The following IQCJ variants were observed in gnomAD, a reference collection of about 807,000 sequenced individuals.
IQCJ encodes IQ motif containing J.
In IQCJ, 9 loss-of-function variants were observed where a neutral mutation model predicts 11.0. The ratio of observed to expected loss-of-function variants is 0.82; its 90% CI spans 0.49 to 1.43. IQCJ has a LOEUF of 1.43. Ranked by LOEUF, IQCJ falls within the 40% of genes most tolerant of loss-of-function variation. The pLI is 0.00. For synonymous variants in IQCJ, 55 were observed against 51.3 expected, an observed-to-expected ratio of 1.07 and a Z score of -0.31; for missense variants, 146 against 133.2, an observed-to-expected ratio of 1.10 and a Z score of -0.47.
At chr3:159,218,035 C>CAAT (rs5853855) in intron 1 of IQCJ, among the ~76,000 whole-genome samples, 5 of 148,550 alleles carry the variant, frequency 3.4e-5, no homozygotes, top group Admixed American at 6.8e-5. Context: ...ATATTATATA[C>CAAT]AATAATAATA....
intron 1 of IQCJ, among the ~76,000 whole-genome samples, chr3:159,239,372 G>A (rs1417167427): frequency 6.6e-6 from 1 of 152,024 alleles, no homozygotes; most frequent in Non-Finnish European, 1.5e-5. Flanking sequence ...TCCCCACCCA[G>A]CAAGCTTTCT....
intron 1 of IQCJ, among the ~76,000 whole-genome samples, chr3:159,134,692 T>G (rs1456998324): frequency 6.6e-6 from 1 of 152,180 alleles, no homozygotes; most frequent in African/African-American, 2.4e-5. Flanking sequence ...CAAACTTATC[T>G]TTCTTGGTAG....
chr3:159,111,257 A>T (rs867016977), intron 1 of IQCJ, among the ~76,000 whole-genome samples: 1 of 152,258 alleles, frequency 6.6e-6, no homozygotes, highest in African/African-American at 2.4e-5. Context: ...AAGTTCCAGT[A>T]TCGAAATGAT....
intron 1 of IQCJ, among the ~76,000 whole-genome samples, chr3:159,073,700 T>C (rs1559973560): frequency 6.6e-6 from 1 of 152,112 alleles, no homozygotes; most frequent in Non-Finnish European, 1.5e-5. Flanking sequence ...GCATCATCTA[T>C]GTTAAATACC....
intron 1 of IQCJ, among the ~76,000 whole-genome samples, chr3:159,125,086 T>C (rs1285435379): frequency 2.0e-5 from 3 of 152,168 alleles, no homozygotes; most frequent in Admixed American, 6.5e-5. Context: ...AATAGTAATT[T>C]GATAGTGTAG....
chr3:159,149,760 G>A (rs1424788773), intron 1 of IQCJ, among the ~76,000 whole-genome samples: 5 of 152,146 alleles, frequency 3.3e-5, no homozygotes, highest in Non-Finnish European at 5.9e-5. Flanking sequence ...ACTCGGCTAA[G>A]CCTATTGTTC....
chr3:159,240,947 A>G (rs1226613598), intron 1 of IQCJ, among the ~76,000 whole-genome samples: 1 of 152,230 alleles, frequency 6.6e-6, no homozygotes, highest in Non-Finnish European at 1.5e-5. Flanking sequence ...CAAAGCAAGC[A>G]AACAACAGCT....
chr3:159,148,182 G>C (rs960162404), intron 1 of IQCJ, among the ~76,000 whole-genome samples: 7 of 152,160 alleles, frequency 4.6e-5, no homozygotes, highest in African/African-American at 1.7e-4. Context: ...GTTTCCTATG[G>C]ATTCTGTGTC....
At chr3:159,132,726 T>A (rs542757252) in intron 1 of IQCJ, among the ~76,000 whole-genome samples, 3 of 152,308 alleles carry the variant, frequency 2.0e-5, no homozygotes, top group Admixed American at 6.5e-5. Context: ...TCGTATCTAG[T>A]TTTTATGGCT....
intron 1 of IQCJ, among the ~76,000 whole-genome samples, chr3:159,074,306 TAAAA>T (rs1162303290): frequency 6.6e-6 from 1 of 151,762 alleles, no homozygotes; most frequent in South Asian, 2.1e-4. Context: ...ATGTAAAAAA[TAAAA>T]AAGACATGAA....
intron 1 of IQCJ, among the ~76,000 whole-genome samples, chr3:159,241,393 AGT>A (rs1031573436): frequency 4.1e-4 from 62 of 152,194 alleles, no homozygotes; most frequent in African/African-American, 1.3e-3. Context: ...CGGGTGACAG[AGT>A]GACACTCTGT....
At position 159,074,749 on chromosome 3, in the gene IQCJ, A is replaced by C. The variant is rs1715804113; in HGVS notation, c.9+5308A>C. 2.0e-5 allele frequency among the ~76,000 whole-genome samples: 3 copies of C among 152,144 alleles called. No individual in the cohort carries two copies. In the South Asian group the frequency reaches 6.2e-4, roughly 32 times the overall value. On this transcript the variant is annotated intron_variant, in intron 1 of 3. Coordinates refer to ENST00000397832, the MANE Select transcript of IQCJ (RefSeq NM_001042706.3). ...TTTTCTAAATTTCAACTGTAGAAAC[A>C]CCTTTTTGGGATCCACACAATTTCT... is the stretch of plus-strand genomic sequence containing the variant.
intron 1 of IQCJ, among the ~76,000 whole-genome samples, chr3:159,173,071 G>A (rs904638645): frequency 6.6e-6 from 1 of 152,130 alleles, no homozygotes; most frequent in African/African-American, 2.4e-5. Context: ...ATGGCCTGGG[G>A]CAATCTTACT....
chr3:159,217,100 T>G (rs1350552121), intron 1 of IQCJ, among the ~76,000 whole-genome samples: 1 of 152,102 alleles, frequency 6.6e-6, no homozygotes, highest in African/African-American at 2.4e-5. Context: ...GCTGCACAGG[T>G]TGCACATTAT....
In IQCJ at chr3:159,197,334, C is replaced by T. The variant is rs1724046560; in HGVS notation, c.10-48509C>T. 2.6e-5 allele frequency among the ~76,000 whole-genome samples: 4 copies of T among 152,168 alleles called. No homozygotes were observed. The South Asian group carries it at 8.3e-4, about 32-fold the overall frequency. ...AAATTTCCCACATCTGTCATTTCTC[C>T]ATTGTCACTACCATTGCCCTAATTC... On this transcript the variant is annotated intron_variant, in intron 1 of 3. Transcript: ENST00000397832.
chr3:159,149,554 G>T (rs927285533), intron 1 of IQCJ, among the ~76,000 whole-genome samples: 2 of 152,134 alleles, frequency 1.3e-5, no homozygotes, highest in Admixed American at 1.3e-4. Context: ...CTACTGCTAA[G>T]ATTTCTGCAG....
chr3:159,080,152 G>A (rs768297837), intron 1 of IQCJ, among the ~76,000 whole-genome samples: 5 of 151,992 alleles, frequency 3.3e-5, no homozygotes, highest in Non-Finnish European at 7.4e-5. Flanking sequence ...TATATCTTAA[G>A]ACAGTATGTT....
intron 1 of IQCJ, among the ~76,000 whole-genome samples, chr3:159,092,774 A>G (rs1393691640): frequency 6.7e-6 from 1 of 148,438 alleles, no homozygotes; most frequent in East Asian, 1.9e-4. Context: ...AACTGTTATA[A>G]GATAATATTT....
At chr3:159,073,079 A>C (rs924544) in intron 1 of IQCJ, among the ~76,000 whole-genome samples, 114,331 of 151,956 alleles carry the variant, frequency 0.75, 43,093 homozygotes, top group East Asian at 0.84. Flanking sequence ...CAATGCAGAT[A>C]TGACAAAATC....
Sources: allele counts gnomAD v4.1 joint callset (sites outside exome capture counted in the v4.1 genomes callset), GRCh38; gene constraint gnomAD v4.1.1; transcripts MANE v1.5; gene names NCBI Gene and HGNC (gene_info 2026-07-23, HGNC 2026-07-21).